PCDH15: variants seen among roughly 807,000 people sequenced by gnomAD.
PCDH15 encodes protocadherin-15.
Under a neutral mutation model 178.5 loss-of-function variants are expected in PCDH15, and 129 were observed. The observed-to-expected ratio is 0.72, with a 90% CI of 0.63 to 0.84. The LOEUF is 0.84. Ranked by LOEUF, PCDH15 falls within the 40% of genes least tolerant of loss-of-function variation. PCDH15 has a pLI of 0.00. For synonymous variants in PCDH15, 800 were observed against 732.0 expected, an observed-to-expected ratio of 1.09 and a Z score of -1.50; for missense variants, 2,230 against 2,099.9, an observed-to-expected ratio of 1.06 and a Z score of -1.21.
rs866287547 is a variant in PCDH15 at position 53,823,408 on chromosome 10, G to A, written c.4368-3178C>T. ...ATGTAAGGAAACAAGTTGTGACACA[G>A]CTTTCATGAGAAAGATGTTTTTATG... is the stretch of plus-strand genomic sequence containing the variant. On this transcript the variant is annotated intron_variant, in intron 32 of 37. Transcript: ENST00000644397. The A allele has an allele frequency of 5.9e-6, 9 of 1,513,580 alleles. No homozygotes were observed. The Middle Eastern group carries it at 1.4e-3, about 237-fold the overall frequency. The allele number at this position is 1,513,580 out of a possible 1,614,324, so 93.8% of individuals were successfully genotyped here. A position where few individuals can be genotyped will look rare whatever the true frequency, so the allele number is the denominator to read the frequency against.
At chr10:55,585,038 T>G (rs573762189) in intron 2 of PCDH15, among the ~76,000 whole-genome samples, 1 of 151,062 alleles carries the variant, frequency 6.6e-6, no homozygotes, top group Non-Finnish European at 1.5e-5. Context: ...GAATTATAAA[T>G]TAATCTATAT....
chr10:54,261,292 C>A (rs1375125782), intron 8 of PCDH15, among the ~76,000 whole-genome samples: 1 of 151,834 alleles, frequency 6.6e-6, no homozygotes, highest in Non-Finnish European at 1.5e-5. Context: ...AAAAAGCTAT[C>A]ATTAATATGA....
chr10:54,727,694 A>C (rs764731252), intron 1 of PCDH15, among the ~76,000 whole-genome samples: 3 of 151,488 alleles, frequency 2.0e-5, no homozygotes, highest in Middle Eastern at 3.2e-3. Flanking sequence ...ACTGGTAGCT[A>C]GACTAGAAAA....
chr10:55,467,996 T>TAAAAAAAAAAACA (rs369938584), intron 2 of PCDH15, among the ~76,000 whole-genome samples: 1 of 119,552 alleles, frequency 8.4e-6, no homozygotes, highest in African/African-American at 3.5e-5. Flanking sequence ...AAAAAAGAAT[T>TAAAAAAAAAAACA]AAAACTGGTC....
At chr10:54,506,937 A>AT (rs920085966) in intron 3 of PCDH15, among the ~76,000 whole-genome samples, 49 of 151,592 alleles carry the variant, frequency 3.2e-4, no homozygotes, top group Admixed American at 5.9e-4. Flanking sequence ...GCAAAACATG[A>AT]TTTTTTTTTG....
At chr10:55,221,751 A>G (rs1840881202) in intron 1 of PCDH15, among the ~76,000 whole-genome samples, 1 of 152,096 alleles carries the variant, frequency 6.6e-6, no homozygotes, top group Non-Finnish European at 1.5e-5. Context: ...TATGTCAATA[A>G]CCTTCACACC....
intron 2 of PCDH15, among the ~76,000 whole-genome samples, chr10:55,165,418 T>C (rs1839169111): frequency 6.6e-6 from 1 of 151,924 alleles, no homozygotes; most frequent in South Asian, 2.1e-4. Context: ...TTTTAAAACT[T>C]GAGCATATTA....
chr10:55,296,742 A>G (rs940265212), intron 1 of PCDH15, among the ~76,000 whole-genome samples: 1 of 152,160 alleles, frequency 6.6e-6, no homozygotes, highest in African/African-American at 2.4e-5. Context: ...ACTTAGACAT[A>G]GTAAAATTCA....
rs1948135595 is a variant in PCDH15, at chr10:54,374,598, A to G, written c.318+4184T>C. On this transcript the variant is annotated intron_variant, in intron 4 of 37. Transcript: ENST00000644397. ...CTGAGACTCTTCATGTTCACCCCAA[A>G]TATCACATTCTGGTTGTTTCTCTTT... Among the ~76,000 whole-genome samples the G allele has an allele frequency of 2.0e-5, 3 of 151,950 alleles. No individual in the cohort carries two copies. In the South Asian group the frequency reaches 6.2e-4, roughly 32 times the overall value.
At chr10:54,849,554 G>T (rs1953576906) in intron 3 of PCDH15, among the ~76,000 whole-genome samples, 1 of 151,958 alleles carries the variant, frequency 6.6e-6, no homozygotes, top group South Asian at 2.1e-4. Flanking sequence ...ATTTCCGCTG[G>T]GGCTTTTGAT....
At chr10:55,532,025 G>C (rs994073540) in intron 2 of PCDH15, among the ~76,000 whole-genome samples, 2 of 151,954 alleles carry the variant, frequency 1.3e-5, no homozygotes, top group African/African-American at 4.8e-5. Flanking sequence ...ATCTTTGTAA[G>C]TAATTCTGTT....
intron 8 of PCDH15, among the ~76,000 whole-genome samples, chr10:54,274,388 G>A (rs978649518): frequency 6.6e-5 from 10 of 151,968 alleles, no homozygotes; most frequent in African/African-American, 1.9e-4. Context: ...TTTACAAAGC[G>A]CTTTTCATCT....
intron 2 of PCDH15, among the ~76,000 whole-genome samples, chr10:55,125,983 T>A (rs562540048): frequency 6.6e-6 from 1 of 152,244 alleles, no homozygotes; most frequent in African/African-American, 2.4e-5. Context: ...TGTGGGGTTC[T>A]GTCTTCATTA....
intron 2 of PCDH15, among the ~76,000 whole-genome samples, chr10:54,607,383 C>G (rs904438620): frequency 6.6e-6 from 1 of 151,924 alleles, no homozygotes; most frequent in Non-Finnish European, 1.5e-5. Context: ...TTCTCCATAT[C>G]CCTGCCCACT....
intron 2 of PCDH15, among the ~76,000 whole-genome samples, chr10:54,904,151 G>A (rs1283975025): frequency 3.3e-5 from 5 of 151,864 alleles, no homozygotes; most frequent in African/African-American, 1.2e-4. Flanking sequence ...AAAAATCATT[G>A]GTTGATTTTT....
chr10:54,754,806 A>G (rs1226302030), intron 1 of PCDH15, among the ~76,000 whole-genome samples: 1 of 152,184 alleles, frequency 6.6e-6, no homozygotes, highest in Admixed American at 6.5e-5. Context: ...AATTGATTAT[A>G]AACATGCCAG....
At chr10:54,863,510 C>T (rs1476643622) in intron 3 of PCDH15, among the ~76,000 whole-genome samples, 1 of 152,178 alleles carries the variant, frequency 6.6e-6, no homozygotes, top group Non-Finnish European at 1.5e-5. Flanking sequence ...CCACTGCGCT[C>T]CAGCCTGGGT....
chr10:54,220,651 C>A (rs368442280), intron 9 of PCDH15, among the ~76,000 whole-genome samples: 35 of 152,104 alleles, frequency 2.3e-4, no homozygotes, highest in African/African-American at 8.2e-4. Context: ...CGGTGAAACC[C>A]CGTCTCTACT....
chr10:54,102,139 A>G (rs1468284217), intron 15 of PCDH15, among the ~76,000 whole-genome samples: 2 of 152,208 alleles, frequency 1.3e-5, no homozygotes, highest in African/African-American at 4.8e-5. Context: ...CACTAAGAAC[A>G]GCCTGTCTTT....
Sources: gnomAD v4.1 joint callset for allele counts (sites outside exome capture counted in the v4.1 genomes callset) on GRCh38, gnomAD v4.1.1 for gene constraint, MANE v1.5 for transcripts, NCBI Gene and HGNC (gene_info 2026-07-23, HGNC 2026-07-21) for gene names.